The following CBFB variants were observed in gnomAD, a reference collection of about 807,000 sequenced individuals.
The protein encoded by CBFB is core-binding factor subunit beta.
Under a neutral mutation model 30.4 loss-of-function variants are expected in CBFB, and 9 were observed. The observed-to-expected ratio is 0.30, with a 90% CI of 0.18 to 0.52. The LOEUF is 0.52. Among genes scored for constraint, CBFB ranks in the 20% least tolerant of loss-of-function variants. The pLI, the probability that CBFB is intolerant of heterozygous loss-of-function variation, is 0.97. For synonymous variants in CBFB, 94 were observed against 84.0 expected, an observed-to-expected ratio of 1.12 and a Z score of -0.65; for missense variants, 170 against 244.0, an observed-to-expected ratio of 0.70 and a Z score of 2.02.
At chr16:67,040,270 T>C (rs1360378741) in intron 3 of CBFB, among the ~76,000 whole-genome samples, 3 of 152,242 alleles carry the variant, frequency 2.0e-5, no homozygotes, top group Non-Finnish European at 4.4e-5. Flanking sequence ...CTGTTCCTTA[T>C]ATTGGATTCC....
intron 3 of CBFB, among the ~76,000 whole-genome samples, chr16:67,040,093 C>T (rs776214859): frequency 1.3e-5 from 2 of 152,164 alleles, no homozygotes; most frequent in Non-Finnish European, 2.9e-5. Flanking sequence ...AAAGGCATTG[C>T]CCTGTGTTTT....
chr16:67,044,974 A>G (rs73586884), intron 3 of CBFB, among the ~76,000 whole-genome samples: 1 of 152,298 alleles, frequency 6.6e-6, no homozygotes, highest in African/African-American at 2.4e-5. Flanking sequence ...ATATGAATTG[A>G]CAGCACTTAG....
chr16:67,040,922 G>A (rs1465636323), intron 3 of CBFB, among the ~76,000 whole-genome samples: 1 of 152,100 alleles, frequency 6.6e-6, no homozygotes, highest in African/African-American at 2.4e-5. Flanking sequence ...CATTATAAAG[G>A]GCCCCAGAGT....
intron 3 of CBFB, among the ~76,000 whole-genome samples, chr16:67,042,672 G>T (rs1966552061): frequency 6.6e-6 from 1 of 152,172 alleles, no homozygotes; most frequent in Admixed American, 6.5e-5. Flanking sequence ...CTGTTGGTAG[G>T]TGGCTTCACT....
At chr16:67,056,316 G>C (rs1346053257) in intron 3 of CBFB, among the ~76,000 whole-genome samples, 2 of 152,190 alleles carry the variant, frequency 1.3e-5, no homozygotes, top group Non-Finnish European at 2.9e-5. Flanking sequence ...TGTGAGTTCA[G>C]TGTTAGTGAA....
At chr16:67,030,295 G>A (rs1204259789) in intron 2 of CBFB, 9 of 139,150 alleles carry the variant, frequency 6.5e-5, no homozygotes, top group Non-Finnish European at 1.3e-4. Flanking sequence ...CTAATAGAGA[G>A]GGGAGGGGGG....
intron 5 of CBFB, among the ~76,000 whole-genome samples, chr16:67,085,989 A>G (rs1366088993): frequency 6.6e-6 from 1 of 152,154 alleles, no homozygotes; most frequent in Non-Finnish European, 1.5e-5. Flanking sequence ...AAAATTTAGT[A>G]TCTTTTAGTG....
chr16:67,031,266 T>G (rs1966340318), intron 2 of CBFB, among the ~76,000 whole-genome samples: 1 of 152,216 alleles, frequency 6.6e-6, no homozygotes, highest in East Asian at 1.9e-4. Context: ...GTCTCAAGCT[T>G]TTAGCCCACT....
intron 3 of CBFB, among the ~76,000 whole-genome samples, chr16:67,037,799 G>A (rs1181610987): frequency 1.3e-5 from 2 of 151,508 alleles, no homozygotes; most frequent in Non-Finnish European, 2.9e-5. Flanking sequence ...CTCCTGAGTA[G>A]CTGGGATTAC....
chr16:67,029,648 T>C (rs768415753), intron 1 of CBFB, 79 bp from the exon 2 acceptor site: 769 of 1,388,228 alleles, frequency 5.5e-4, no homozygotes, highest in Admixed American at 8.0e-4. Context: ...CTTGCCCTTA[T>C]CGGCGCTGCG....
In CBFB at chr16:67,029,370, C is replaced by G. The variant is rs755947368; in HGVS notation, c.-38C>G. ...CAGCCAGCGGGTGCCCGCGCAAGCC[C>G]CGAGCGCGGCCGGCCGGCGCGGCCT... On this transcript the variant is annotated 5_prime_UTR_variant, in exon 1 of 6. Transcript: ENST00000412916. 13 of 1,455,938 alleles carry G rather than the reference C, an allele frequency of 8.9e-6. No individual in the cohort carries two copies. The South Asian group carries it at 1.1e-4, about 12-fold the overall frequency. The allele number at this position is 1,455,938 out of a possible 1,614,324, so 90.2% of individuals were successfully genotyped here.
chr16:67,069,629 C>T (rs575005038), intron 4 of CBFB, among the ~76,000 whole-genome samples: 7 of 152,272 alleles, frequency 4.6e-5, no homozygotes, highest in Non-Finnish European at 8.8e-5. Context: ...GTCCAAGAAG[C>T]TCAATGGACA....
At chr16:67,092,619 C>T (rs1182938729) in intron 5 of CBFB, among the ~76,000 whole-genome samples, 2 of 150,680 alleles carry the variant, frequency 1.3e-5, no homozygotes, top group African/African-American at 4.9e-5. Context: ...TTCTCCCTTC[C>T]TTCCCCCTGA....
chr16:67,044,343 ATC>A (rs1338923544), intron 3 of CBFB, among the ~76,000 whole-genome samples: 1 of 152,204 alleles, frequency 6.6e-6, no homozygotes, highest in Non-Finnish European at 1.5e-5. Flanking sequence ...TGAATATGCT[ATC>A]TCGTTTTTAC....
At chr16:67,058,313 G>T (rs1960789658) in intron 3 of CBFB, among the ~76,000 whole-genome samples, 1 of 152,202 alleles carries the variant, frequency 6.6e-6, no homozygotes, top group South Asian at 2.1e-4. Flanking sequence ...ACTAATTTTT[G>T]TATTTTTAGT....
At chr16:67,029,944 C>G (rs536688949) in intron 2 of CBFB, 131 bp downstream of exon 2, 1 of 539,468 alleles carries the variant, frequency 1.9e-6, no homozygotes, top group Non-Finnish European at 3.0e-6. Context: ...ACTTCCTACT[C>G]GGGATTCAAA....
intron 3 of CBFB, among the ~76,000 whole-genome samples, chr16:67,053,015 A>G (rs1960600730): frequency 6.6e-6 from 1 of 151,654 alleles, no homozygotes; most frequent in African/African-American, 2.4e-5. Flanking sequence ...TCTCAAAAAA[A>G]AAAAAAAGAA....
intron 4 of CBFB, among the ~76,000 whole-genome samples, chr16:67,078,061 T>A (rs564281395): frequency 6.6e-6 from 1 of 152,348 alleles, no homozygotes; most frequent in South Asian, 2.1e-4. Context: ...TCCTAGCCAT[T>A]TGAGCCTACT....
chr16:67,053,620 G>A (rs576941583), intron 3 of CBFB, among the ~76,000 whole-genome samples: 2 of 151,944 alleles, frequency 1.3e-5, no homozygotes, highest in South Asian at 2.1e-4. Flanking sequence ...GGTCAAGTCC[G>A]GATTCAGCTT....
Sources: gnomAD v4.1 joint callset for allele counts (sites outside exome capture counted in the v4.1 genomes callset) on GRCh38, gnomAD v4.1.1 for gene constraint, MANE v1.5 for transcripts, NCBI Gene and HGNC (gene_info 2026-07-23, HGNC 2026-07-21) for gene names.